GON4L: variants seen among roughly 807,000 people sequenced by gnomAD.
GON4L encodes gon-4 like.
A neutral mutation model predicts 211.8 loss-of-function variants in GON4L; 87 were observed. The ratio of observed to expected loss-of-function variants is 0.41; its 90% CI spans 0.35 to 0.49. The LOEUF (loss-of-function observed/expected upper bound fraction) is 0.49. Among genes scored for constraint, GON4L ranks in the 20% least tolerant of loss-of-function variants. The pLI, the probability that GON4L is intolerant of heterozygous loss-of-function variation, is 0.15. For missense variants in GON4L, 2,155 were observed against 2,659.5 expected (o/e 0.81, Z 4.17); for synonymous variants, 875 against 962.6 (o/e 0.91, Z 1.68).
chr1:155,748,664 T>G, downstream of GON4L: 2 of 1,613,462 alleles, frequency 1.2e-6, no homozygotes, highest in Admixed American at 3.3e-5. Context: ...CCCTTCCTGA[T>G]TCCCTGATGC....
chr1:155,772,040 G>A (rs968291901), intron 18 of GON4L, among the ~76,000 whole-genome samples: 27 of 152,022 alleles, frequency 1.8e-4, no homozygotes, highest in African/African-American at 6.5e-4. Context: ...GTAGGTGCCT[G>A]TAATGCCAGC....
At chr1:155,779,952 C>G (rs1444081959) in intron 14 of GON4L, among the ~76,000 whole-genome samples, 1 of 152,046 alleles carries the variant, frequency 6.6e-6, no homozygotes, top group African/African-American at 2.4e-5. Context: ...CACGCATCAC[C>G]ACGGCCAGCT....
intron 2 of GON4L, among the ~76,000 whole-genome samples, chr1:155,834,836 C>G (rs560831440): frequency 6.6e-6 from 1 of 151,906 alleles, no homozygotes; most frequent in Admixed American, 6.5e-5. Context: ...TCGCCTCTGC[C>G]CAGCTGCCCC....
chr1:155,778,891 G>A (rs1664106682), intron 14 of GON4L, among the ~76,000 whole-genome samples: 1 of 152,176 alleles, frequency 6.6e-6, no homozygotes, highest in African/African-American at 2.4e-5. Flanking sequence ...ACCTTTTTAT[G>A]GCTGTATAGT....
chr1:155,778,657 C>G (rs745914482), intron 14 of GON4L, among the ~76,000 whole-genome samples: 2 of 152,156 alleles, frequency 1.3e-5, no homozygotes, highest in Non-Finnish European at 1.5e-5. Flanking sequence ...AACCCATCAC[C>G]TTGGTATTAA....
intron 13 of GON4L, chr1:155,784,533 C>T: frequency 5.4e-6 from 1 of 186,462 alleles, no homozygotes; most frequent in Non-Finnish European, 1.1e-5. Flanking sequence ...CTACAGGTGC[C>T]CGCCACCATG....
chr1:155,823,674 C>T (rs899476178), intron 3 of GON4L, among the ~76,000 whole-genome samples: 1 of 152,158 alleles, frequency 6.6e-6, no homozygotes, highest in African/African-American at 2.4e-5. Flanking sequence ...GCAGGTGGAT[C>T]ACCTGAGGTC....
chr1:155,808,148 T>C (rs891003130), intron 10 of GON4L, among the ~76,000 whole-genome samples: 3 of 152,026 alleles, frequency 2.0e-5, no homozygotes, highest in African/African-American at 7.2e-5. Flanking sequence ...GCGATTCTCC[T>C]GCCTCAGCCT....
At chr1:155,804,513 G>A (rs151004238) in intron 11 of GON4L, among the ~76,000 whole-genome samples, 7 of 151,800 alleles carry the variant, frequency 4.6e-5, no homozygotes, top group East Asian at 1.9e-4. Context: ...GCCCAGGCAC[G>A]GTGGCTCATG....
Position 155,762,318 on chromosome 1 carries a change from G to A in GON4L, c.4783C>T (p.Arg1595Trp), listed in dbSNP as rs775020555. 4 of 1,613,662 alleles carry A rather than the reference G, an allele frequency of 2.5e-6. No homozygotes were observed. Among genetic ancestry groups the A allele is most frequent in the South Asian group, 1.1e-5 (1 of 91,018 alleles). Residue 1595 changes from arginine (R) to tryptophan (W), a missense_variant, in exon 23 of 32, where the codon CGG (arginine) becomes TGG (tryptophan). Coordinates refer to ENST00000368331, the MANE Select transcript of GON4L (RefSeq NM_001282860.2). ...GRNNHRARNK[R>W]GSRARASKDT... is the part of the protein sequence containing the mutation. The stretch of plus-strand genomic sequence containing the variant: ...TTGCTGGCCCGAGCCCGACTTCCCC[G>A]CTTGTTGCGAGCTCGATGATTGTTC...
intron 2 of GON4L, 25 bp downstream of exon 2, chr1:155,853,251 A>C (rs1334126973): frequency 1.9e-6 from 3 of 1,596,078 alleles, no homozygotes; most frequent in Non-Finnish European, 2.6e-6. Flanking sequence ...ACAAGAATGT[A>C]ACCTAGAGAC....
intron 2 of GON4L, among the ~76,000 whole-genome samples, chr1:155,827,553 T>G (rs561989887): frequency 1.3e-5 from 2 of 152,068 alleles, no homozygotes; most frequent in Non-Finnish European, 2.9e-5. Context: ...GGGGTGATGG[T>G]GCATGCTTGT....
chr1:155,775,332 T>C (rs554564243), intron 16 of GON4L, among the ~76,000 whole-genome samples, 159 bp from the exon 17 acceptor site: 1 of 152,324 alleles, frequency 6.6e-6, no homozygotes, highest in East Asian at 1.9e-4. Context: ...GTTAAGATTA[T>C]GCCTGAGTTC....
At chr1:155,817,130 C>G (rs1020813126) in intron 6 of GON4L, among the ~76,000 whole-genome samples, 6 of 152,028 alleles carry the variant, frequency 3.9e-5, no homozygotes, top group African/African-American at 1.4e-4. Context: ...GCTAGGACTA[C>G]AGGCATGCCT....
At position 155,766,708 on chromosome 1, in the gene GON4L, G is replaced by A. The variant is rs368458497; in HGVS notation, c.2765C>T (p.Ala922Val). Reference protein sequence around the residue: ...EEHRLPFWLKASLPSIQEELR... With the variant: ...EEHRLPFWLKVSLPSIQEELR... ...TTCTTCCTGGATGGATGGCAGACTG[G>A]CCTATTGGAAACAAGAACACTCTGA... The change falls in exon 21 of 32, where the codon GCC becomes GTC. Residue 922 changes from alanine (A) to valine (V), a missense_variant and splice_region_variant. Around this residue, in one of 6 missense-constraint regions of GON4L, gnomAD observed 551 missense variants for 854.0 expected, o/e 0.65. Coordinates refer to ENST00000368331, the MANE Select transcript of GON4L (RefSeq NM_001282860.2). The A allele has an allele frequency of 1.6e-5, 26 of 1,613,934 alleles. No individual in the cohort carries two copies. Among genetic ancestry groups the A allele is most frequent in the Non-Finnish European group, 2.1e-5 (25 of 1,180,046 alleles).
chr1:155,800,425 C>T (rs867170600), intron 11 of GON4L, among the ~76,000 whole-genome samples: 1 of 150,046 alleles, frequency 6.7e-6, no homozygotes, highest in South Asian at 2.1e-4. Context: ...GGCATGGTGG[C>T]ACATGCCTGT....
Position 155,795,984 on chromosome 1 carries a change from A to G in GON4L, c.1646-833T>C, listed in dbSNP as rs537758039. ...AGTATGCTTATCTGTTAAGTATAAT[A>G]ATACATATATTCTAATATCTGAAAA... On this transcript the variant is annotated intron_variant, in intron 11 of 31. Coordinates refer to ENST00000368331, the MANE Select transcript of GON4L (RefSeq NM_001282860.2). 8.5e-5 allele frequency among the ~76,000 whole-genome samples: 13 copies of G among 152,272 alleles called. No individual in the cohort carries two copies. The South Asian group carries it at 2.7e-3, about 32-fold the overall frequency.
chr1:155,833,580 A>G (rs1270071044), intron 2 of GON4L, among the ~76,000 whole-genome samples: 3 of 121,836 alleles, frequency 2.5e-5, no homozygotes, highest in Non-Finnish European at 4.8e-5. Context: ...CGGGAGGTGG[A>G]GCTTGCAGTG....
intron 12 of GON4L, among the ~76,000 whole-genome samples, chr1:155,793,167 C>T (rs556262012): frequency 6.6e-6 from 1 of 152,258 alleles, no homozygotes; most frequent in African/African-American, 2.4e-5. Flanking sequence ...AGCCTAAATC[C>T]TCAAACCTTT....
Sources: gnomAD v4.1 joint callset for allele counts (sites outside exome capture counted in the v4.1 genomes callset) on GRCh38, gnomAD v4.1.1 for gene constraint, gnomAD v4.1.1 regional missense constraint, MANE v1.5 for transcripts, NCBI Gene and HGNC (gene_info 2026-07-23, HGNC 2026-07-21) for gene names.